Variants in TMEM163 observed in about 807,000 individuals in gnomAD.
TMEM163 encodes transmembrane protein 163.
In TMEM163, 17 loss-of-function variants were observed where a neutral mutation model predicts 29.3. That is an observed-to-expected ratio of 0.58 (90% CI 0.40 to 0.87). The LOEUF (loss-of-function observed/expected upper bound fraction) is 0.87. Among genes scored for constraint, TMEM163 ranks in the 40% least tolerant of loss-of-function variants. The probability of loss-of-function intolerance (pLI) is 0.00; values close to 1 mark genes in which losing one functional copy is unlikely to be tolerated. For missense variants in TMEM163, 303 were observed against 381.5 expected (o/e 0.79, Z 1.71); for synonymous variants, 157 against 160.6 (o/e 0.98, Z 0.17).
At chr2:134,627,174 C>A (rs557381082) in intron 2 of TMEM163, among the ~76,000 whole-genome samples, 1 of 152,130 alleles carries the variant, frequency 6.6e-6, no homozygotes, top group Non-Finnish European at 1.5e-5. Context: ...ATTGTCTGCT[C>A]ATGTCTTTTT....
intron 4 of TMEM163, among the ~76,000 whole-genome samples, chr2:134,520,908 T>C (rs1680176211): frequency 6.6e-6 from 1 of 152,246 alleles, no homozygotes. Context: ...TTGAAGTTTC[T>C]TCTTCCATAG....
chr2:134,542,647 C>T (rs746906911), intron 4 of TMEM163, among the ~76,000 whole-genome samples: 3 of 152,208 alleles, frequency 2.0e-5, no homozygotes, highest in Non-Finnish European at 4.4e-5. Flanking sequence ...AAACCATCCC[C>T]CACCCAACCC....
chr2:134,578,385 G>A (rs1415390096), intron 2 of TMEM163, among the ~76,000 whole-genome samples: 3 of 152,144 alleles, frequency 2.0e-5, no homozygotes, highest in Non-Finnish European at 4.4e-5. Flanking sequence ...GTATGTCAAT[G>A]CCTCCACTGC....
chr2:134,464,073 A>G (rs531025067), intron 6 of TMEM163, among the ~76,000 whole-genome samples: 8 of 152,288 alleles, frequency 5.3e-5, no homozygotes, highest in Admixed American at 3.9e-4. Flanking sequence ...TGCTTTTACC[A>G]TCTAAGTAGG....
chr2:134,494,494 C>T (rs753588184), intron 5 of TMEM163, among the ~76,000 whole-genome samples: 24 of 152,164 alleles, frequency 1.6e-4, no homozygotes, highest in Admixed American at 5.2e-4. Flanking sequence ...AAGGAACCTA[C>T]GGCATTACCC....
rs974651667 is a variant in TMEM163, at chr2:134,713,299, G to A, written c.223C>T (p.Arg75Cys). ...TTCTGGGCTTCGTGAGGTTTCAGGCGGGTGCTGCTTTCTAGTAAGCCTGAC... is the reference window on the plus strand; with the variant it reads ...TTCTGGGCTTCGTGAGGTTTCAGGCAGGTGCTGCTTTCTAGTAAGCCTGAC... ...EDRGLLESSTRLKPHEAQNYR... is the reference protein window; with the variant it reads ...EDRGLLESSTCLKPHEAQNYR... The change falls in exon 2 of 8, where the codon CGC becomes TGC. Residue 75 changes from arginine to cysteine, a missense_variant. Around this residue, in one of 2 missense-constraint regions of TMEM163, gnomAD observed 203 missense variants for 294.3 expected, o/e 0.69. Coordinates refer to ENST00000281924, the MANE Select transcript of TMEM163 (RefSeq NM_030923.5). The A allele has an allele frequency of 8.7e-6, 14 of 1,613,906 alleles. No homozygotes were observed. Among genetic ancestry groups the A allele is most frequent in the African/African-American group, 2.7e-5 (2 of 74,878 alleles).
intron 2 of TMEM163, among the ~76,000 whole-genome samples, chr2:134,690,216 C>A (rs1684432963): frequency 6.6e-6 from 1 of 151,686 alleles, no homozygotes; most frequent in Non-Finnish European, 1.5e-5. Context: ...CAGGGGTGAG[C>A]CACCGTACCC....
chr2:134,485,040 C>T (rs1679278785), intron 5 of TMEM163, among the ~76,000 whole-genome samples: 1 of 152,192 alleles, frequency 6.6e-6, no homozygotes, highest in East Asian at 1.9e-4. Flanking sequence ...CCGTATCAAT[C>T]AGTTCAACCA....
intron 2 of TMEM163, among the ~76,000 whole-genome samples, chr2:134,662,025 G>C (rs572428479): frequency 7.0e-6 from 1 of 143,252 alleles, no homozygotes; most frequent in African/African-American, 2.6e-5. Flanking sequence ...TCCACCTCCC[G>C]GGTTTACTTA....
At position 134,595,987 on chromosome 2, in the gene TMEM163, A is replaced by C. The variant is rs533765332; in HGVS notation, c.323-43896T>G. ...TGTTTTTTTCTTATAAATTTGTTTG[A>C]GTTCTTTGTAGATTCTGGATATTAG... On this transcript the variant is annotated intron_variant, in intron 2 of 7. Coordinates refer to ENST00000281924, the MANE Select transcript of TMEM163 (RefSeq NM_030923.5). Among the ~76,000 whole-genome samples, 4 of 152,080 alleles carry C rather than the reference A, an allele frequency of 2.6e-5. 1 individual carries two copies. The South Asian group carries it at 8.3e-4, about 32-fold the overall frequency.
chr2:134,682,744 T>G (rs1211705971), intron 2 of TMEM163, among the ~76,000 whole-genome samples: 1 of 152,290 alleles, frequency 6.6e-6, no homozygotes, highest in Non-Finnish European at 1.5e-5. Context: ...AGTTTCTCAC[T>G]CTTACCAAAA....
intron 2 of TMEM163, among the ~76,000 whole-genome samples, chr2:134,567,414 G>A (rs1681320422): frequency 6.6e-6 from 1 of 152,194 alleles, no homozygotes; most frequent in African/African-American, 2.4e-5. Flanking sequence ...GTCAGGAGCT[G>A]GGCGTGGTGA....
chr2:134,471,934 C>T (rs1686811170), intron 5 of TMEM163, among the ~76,000 whole-genome samples: 2 of 152,226 alleles, frequency 1.3e-5, no homozygotes, highest in South Asian at 4.1e-4. Context: ...CAACAGTGGA[C>T]TCCGTGAAAA....
chr2:134,699,211 T>C (rs187029432), intron 2 of TMEM163, among the ~76,000 whole-genome samples: 58 of 152,210 alleles, frequency 3.8e-4, no homozygotes, highest in African/African-American at 1.3e-3. Context: ...TAATCAAAAG[T>C]GTTGTAGAGT....
intron 2 of TMEM163, among the ~76,000 whole-genome samples, chr2:134,566,567 A>C (rs1464741158): frequency 6.6e-6 from 1 of 152,148 alleles, no homozygotes; most frequent in African/African-American, 2.4e-5. Context: ...CATCTCAAAA[A>C]AAAAATTTTT....
At chr2:134,594,190 A>G (rs564271854) in intron 2 of TMEM163, among the ~76,000 whole-genome samples, 49 of 151,968 alleles carry the variant, frequency 3.2e-4, no homozygotes, top group African/African-American at 1.2e-3. Context: ...ATTCTGGTTT[A>G]TAAAACAGAA....
intron 4 of TMEM163, among the ~76,000 whole-genome samples, chr2:134,527,220 C>T (rs1680314864): frequency 6.6e-6 from 1 of 152,132 alleles, no homozygotes; most frequent in Admixed American, 6.5e-5. Flanking sequence ...GCCCTGACCC[C>T]TCTGCAAATC....
intron 4 of TMEM163, among the ~76,000 whole-genome samples, chr2:134,535,495 T>C (rs902835476): frequency 2.6e-5 from 4 of 152,100 alleles, no homozygotes; most frequent in African/African-American, 7.2e-5. Flanking sequence ...TTCAGAGATT[T>C]CCCCCTCTAG....
At chr2:134,647,153 T>C (rs1381809131) in intron 2 of TMEM163, among the ~76,000 whole-genome samples, 1 of 152,054 alleles carries the variant, frequency 6.6e-6, no homozygotes, top group Non-Finnish European at 1.5e-5. Context: ...AAAGGAAGAG[T>C]CCCAATATCC....
Sources: gnomAD v4.1 joint callset for allele counts (sites outside exome capture counted in the v4.1 genomes callset) on GRCh38, gnomAD v4.1.1 for gene constraint, gnomAD v4.1.1 regional missense constraint, MANE v1.5 for transcripts, NCBI Gene and HGNC (gene_info 2026-07-23, HGNC 2026-07-21) for gene names.